ATP9B: variants seen among roughly 807,000 people sequenced by gnomAD.
ATP9B encodes ATPase phospholipid transporting 9B, also known as probable phospholipid-transporting ATPase IIB.
Under a neutral mutation model 146.1 loss-of-function variants are expected in ATP9B, and 110 were observed. That is an observed-to-expected ratio of 0.75 (90% CI 0.65 to 0.88). The LOEUF (loss-of-function observed/expected upper bound fraction) is 0.88, where lower values mean the gene tolerates loss of function less well. Among genes scored for constraint, ATP9B ranks in the 40% least tolerant of loss-of-function variants. The pLI, the probability that ATP9B is intolerant of heterozygous loss-of-function variation, is 0.00. For synonymous variants in ATP9B, 604 were observed against 569.7 expected, an observed-to-expected ratio of 1.06 and a Z score of -0.86; for missense variants, 1,499 against 1,496.4, an observed-to-expected ratio of 1.00 and a Z score of -0.03.
intron 8 of ATP9B, among the ~76,000 whole-genome samples, chr18:79,182,409 G>A (rs1464630595): frequency 6.6e-6 from 1 of 152,164 alleles, no homozygotes; most frequent in Non-Finnish European, 1.5e-5. Context: ...CCTCTTTTCA[G>A]TATTTTGCAA....
intron 14 of ATP9B, among the ~76,000 whole-genome samples, chr18:79,304,981 G>A (rs1007300598): frequency 6.6e-6 from 1 of 152,148 alleles, no homozygotes; most frequent in Non-Finnish European, 1.5e-5. Flanking sequence ...GCTCACCCTG[G>A]GGGGTGTGAC....
At chr18:79,267,624 CTTAT>C (rs1030447140) in intron 12 of ATP9B, among the ~76,000 whole-genome samples, 1 of 152,082 alleles carries the variant, frequency 6.6e-6, no homozygotes, top group Non-Finnish European at 1.5e-5. Context: ...TTATTACAAA[CTTAT>C]TTCTTATCTT....
chr18:79,321,243 G>A (rs1409870716), intron 15 of ATP9B, among the ~76,000 whole-genome samples: 1 of 152,214 alleles, frequency 6.6e-6, no homozygotes, highest in Non-Finnish European at 1.5e-5. Context: ...GGAACCAGCC[G>A]TTCCTTTGAT....
chr18:79,327,924 CTCTCTGGTTAGCGTGCTCTCCG>C (rs1483002782), intron 15 of ATP9B, among the ~76,000 whole-genome samples: 9 of 129,810 alleles, frequency 6.9e-5, no homozygotes, highest in South Asian at 2.8e-4. Flanking sequence ...GTAGCGTGCT[CTCTCTGGTTAGCGTGCTCTCCG>C]TGGTTAGCGT....
intron 13 of ATP9B, among the ~76,000 whole-genome samples, chr18:79,296,070 C>T (rs1340406907): frequency 6.6e-6 from 1 of 152,174 alleles, no homozygotes; most frequent in Non-Finnish European, 1.5e-5. Context: ...GGCTGGAGTG[C>T]AGTGTCGTGA....
At position 79,347,818 on chromosome 18, in the gene ATP9B, C is replaced by T. The variant is rs766459606; in HGVS notation, c.2731C>T (p.Arg911Trp). 59 of 1,612,630 alleles carry T rather than the reference C, an allele frequency of 3.7e-5. No homozygotes were observed. Among genetic ancestry groups the T allele is most frequent in the Admixed American group, 1.0e-4 (6 of 59,910 alleles). The change falls in exon 24 of 30, where the codon CGG becomes TGG. Residue 911 changes from arginine (R) to tryptophan (W), a missense_variant. Arg to Trp is a moderately radical substitution (Grantham distance 101, BLOSUM62 -3). Transcript: ENST00000426216. ...GGCCGACTTCTCCATCACGCAGTTC[C>T]GGCACATAGGCAGGCTGCTCATGGT... The part of the protein sequence containing the change: ...LAADFSITQF[R>W]HIGRLLMVHG...
intron 7 of ATP9B, among the ~76,000 whole-genome samples, chr18:79,159,355 G>C (rs892023531): frequency 2.0e-5 from 3 of 152,228 alleles, no homozygotes; most frequent in African/African-American, 7.2e-5. Flanking sequence ...TGCCTGATCA[G>C]CTTTACAGCC....
intron 25 of ATP9B, among the ~76,000 whole-genome samples, chr18:79,356,804 GC>G: frequency 6.6e-6 from 1 of 150,730 alleles, no homozygotes; most frequent in African/African-American, 2.4e-5. Flanking sequence ...TGTGAGGGGT[GC>G]TCTGGGTCTG....
At chr18:79,117,996 AC>A (rs1304288496) in intron 4 of ATP9B, 2 of 152,196 alleles carry the variant, frequency 1.3e-5, no homozygotes, top group African/African-American at 4.8e-5. Context: ...TTTTGGCTTA[AC>A]ATTTGTTTAT....
intron 13 of ATP9B, among the ~76,000 whole-genome samples, chr18:79,286,419 T>A (rs918092386): frequency 5.3e-5 from 8 of 150,928 alleles, no homozygotes; most frequent in African/African-American, 1.9e-4. Context: ...GCTCTCTGTT[T>A]GTCTGTTATT....
chr18:79,140,710 G>A (rs919100238), intron 5 of ATP9B, among the ~76,000 whole-genome samples: 2 of 152,142 alleles, frequency 1.3e-5, no homozygotes, highest in African/African-American at 4.8e-5. Context: ...AACCCTGGAG[G>A]CGGAGGTTGC....
chr18:79,345,867 A>G, intron 23 of ATP9B, 28 bp downstream of exon 23: 1 of 1,612,970 alleles, frequency 6.2e-7, no homozygotes, highest in Admixed American at 1.7e-5. Flanking sequence ...TCAACACATT[A>G]GCACACAGTC....
At chr18:79,073,155 G>A (rs1340646470) in intron 1 of ATP9B, among the ~76,000 whole-genome samples, 1 of 152,018 alleles carries the variant, frequency 6.6e-6, no homozygotes, top group Non-Finnish European at 1.5e-5. Flanking sequence ...CTGGGAGGCC[G>A]GGCAGACGGG....
intron 5 of ATP9B, among the ~76,000 whole-genome samples, chr18:79,131,949 A>G (rs1025199106): frequency 6.6e-6 from 1 of 152,218 alleles, no homozygotes; most frequent in African/African-American, 2.4e-5. Flanking sequence ...GTGGCCATAG[A>G]TGAGCGGAAG....
intron 11 of ATP9B, among the ~76,000 whole-genome samples, chr18:79,226,142 T>C (rs2095732074): frequency 6.6e-6 from 1 of 152,262 alleles, no homozygotes; most frequent in South Asian, 2.1e-4. Context: ...TGCCGCCCTC[T>C]CTTCCTGCTC....
At chr18:79,324,409 C>G (rs2096733063) in intron 15 of ATP9B, among the ~76,000 whole-genome samples, 1 of 152,076 alleles carries the variant, frequency 6.6e-6, no homozygotes, top group Non-Finnish European at 1.5e-5. Flanking sequence ...GTGTGCCAGC[C>G]TATTAGGCAC....
chr18:79,309,870 C>T (rs1599852705), intron 15 of ATP9B, among the ~76,000 whole-genome samples: 1 of 152,248 alleles, frequency 6.6e-6, no homozygotes, highest in Non-Finnish European at 1.5e-5. Flanking sequence ...GTGTAGGTTC[C>T]ATGACTATTG....
intron 7 of ATP9B, among the ~76,000 whole-genome samples, chr18:79,155,825 C>T (rs1304436240): frequency 8.0e-6 from 1 of 124,942 alleles, no homozygotes; most frequent in Admixed American, 1.0e-4. Context: ...TGCAGTGGTG[C>T]GATCTCCGCT....
rs540849238 is a variant in ATP9B, at chr18:79,299,400, C to T, written c.1412-4204C>T. Among the ~76,000 whole-genome samples the T allele has an allele frequency of 4.6e-5, 7 of 152,176 alleles. No homozygotes were observed. In the South Asian group the frequency reaches 1.2e-3, roughly 27 times the overall value. On this transcript the variant is annotated intron_variant, in intron 13 of 29. Coordinates refer to ENST00000426216, the MANE Select transcript of ATP9B (RefSeq NM_198531.5). ...TGCGAGCCACATACAGTTCCCTCTTCCTGGAGCGCTTCTCTTGTGGAAACC... is the reference window on the plus strand; with the variant it reads ...TGCGAGCCACATACAGTTCCCTCTTTCTGGAGCGCTTCTCTTGTGGAAACC...
Sources: allele counts gnomAD v4.1 joint callset (sites outside exome capture counted in the v4.1 genomes callset), GRCh38; gene constraint gnomAD v4.1.1; transcripts MANE v1.5; gene names NCBI Gene and HGNC (gene_info 2026-07-23, HGNC 2026-07-21).